Variants in SYNDIG1 observed in about 807,000 individuals in gnomAD.
SYNDIG1 encodes synapse differentiation-inducing gene protein 1.
A neutral mutation model predicts 19.4 loss-of-function variants in SYNDIG1; 9 were observed. That is an observed-to-expected ratio of 0.46 (90% CI 0.28 to 0.81). SYNDIG1 has a LOEUF of 0.81. Ranked by LOEUF, SYNDIG1 falls within the 30% of genes least tolerant of loss-of-function variation. SYNDIG1 has a pLI of 0.12. For synonymous variants in SYNDIG1, 141 were observed against 145.9 expected, an observed-to-expected ratio of 0.97 and a Z score of 0.24; for missense variants, 311 against 343.3, an observed-to-expected ratio of 0.91 and a Z score of 0.74.
chr20:24,656,177 G>A (rs573300743), intron 3 of SYNDIG1, among the ~76,000 whole-genome samples: 165 of 152,302 alleles, frequency 1.1e-3, no homozygotes, highest in African/African-American at 3.8e-3. Flanking sequence ...GCTGTGTACT[G>A]ATGCACAGAG....
intron 1 of SYNDIG1, among the ~76,000 whole-genome samples, chr20:24,518,472 A>G (rs1279192339): frequency 6.6e-6 from 1 of 152,182 alleles, no homozygotes; most frequent in African/African-American, 2.4e-5. Context: ...GAAACACGGT[A>G]TATGGGCATT....
At chr20:24,525,951 ATC>A (rs2057115121) in intron 1 of SYNDIG1, among the ~76,000 whole-genome samples, 1 of 152,034 alleles carries the variant, frequency 6.6e-6, no homozygotes, top group Non-Finnish European at 1.5e-5. Flanking sequence ...GGTTAATTGG[ATC>A]TCTCTCTGTG....
chr20:24,620,365 G>A lies in SYNDIG1; in HGVS notation c.618+35372G>A, dbSNP rs2059019705. ...AGGCTGGGGGGTGACCTGACAGCTA[G>A]GAGGAAACATCTGGAGGTGTCTTTA... On this transcript the variant is annotated intron_variant, in intron 3 of 3. Transcript: ENST00000376862. Among the ~76,000 whole-genome samples, 4 of 152,206 alleles carry A rather than the reference G, an allele frequency of 2.6e-5. No individual in the cohort carries two copies. The South Asian group carries it at 8.3e-4, about 32-fold the overall frequency.
chr20:24,608,954 G>A (rs796244835), intron 3 of SYNDIG1, among the ~76,000 whole-genome samples: 13 of 152,332 alleles, frequency 8.5e-5, no homozygotes, highest in African/African-American at 3.1e-4. Flanking sequence ...GTATGTTGGT[G>A]CAAGCCAAAC....
At chr20:24,594,801 T>G (rs1320619962) in intron 3 of SYNDIG1, among the ~76,000 whole-genome samples, 2 of 152,144 alleles carry the variant, frequency 1.3e-5, no homozygotes, top group Non-Finnish European at 2.9e-5. Flanking sequence ...TGAACGGAAT[T>G]GCTTTCTTGA....
At chr20:24,504,459 A>G (rs1045918749) in intron 1 of SYNDIG1, among the ~76,000 whole-genome samples, 2 of 152,162 alleles carry the variant, frequency 1.3e-5, no homozygotes, top group Middle Eastern at 3.2e-3. Flanking sequence ...CAGCGAAGGA[A>G]ACCCAAGCCC....
chr20:24,532,525 C>T (rs1406028878), intron 1 of SYNDIG1, among the ~76,000 whole-genome samples: 2 of 152,196 alleles, frequency 1.3e-5, no homozygotes, highest in Non-Finnish European at 2.9e-5. Flanking sequence ...ATGAGGGTTG[C>T]ACTGCACAAC....
Position 24,543,123 on chromosome 20 carries a change from G to A in SYNDIG1, c.26G>A (p.Ser9Asn), listed in dbSNP as rs768869208. Residue 9 changes from serine to asparagine, a missense_variant, in exon 2 of 4, where the codon AGC (serine) becomes AAC (asparagine). Ser to Asn is a conservative substitution (Grantham distance 46). Coordinates refer to ENST00000376862, the MANE Select transcript of SYNDIG1 (RefSeq NM_024893.3). MDGIIEQK[S>N]MLVHSKISDA... ...ATGGATGGCATCATTGAACAGAAGA[G>A]CATGCTGGTGCACAGTAAAATCAGT... 1 of 1,614,096 alleles carries A rather than the reference G, an allele frequency of 6.2e-7. No individual in the cohort carries two copies. Among genetic ancestry groups the A allele is most frequent in the Admixed American group, 1.7e-5 (1 of 60,016 alleles).
intron 3 of SYNDIG1, among the ~76,000 whole-genome samples, chr20:24,593,265 T>G (rs755838126): frequency 4.6e-5 from 7 of 152,218 alleles, no homozygotes; most frequent in Non-Finnish European, 1.0e-4. Context: ...TTTCAATGTT[T>G]AGGTTCCACT....
At chr20:24,628,990 A>G (rs1467761066) in intron 3 of SYNDIG1, among the ~76,000 whole-genome samples, 1 of 152,254 alleles carries the variant, frequency 6.6e-6, no homozygotes, top group East Asian at 1.9e-4. Context: ...TTGAGGGCAT[A>G]GTGATCCTCA....
At chr20:24,585,067 C>G in intron 3 of SYNDIG1, 74 bp downstream of exon 3, 1 of 1,538,080 alleles carries the variant, frequency 6.5e-7, no homozygotes, top group South Asian at 1.2e-5. Context: ...CAATCCCAGC[C>G]GAGGAGGAGA....
intron 3 of SYNDIG1, among the ~76,000 whole-genome samples, chr20:24,633,363 G>A (rs2059273779): frequency 6.6e-6 from 1 of 152,218 alleles, no homozygotes; most frequent in South Asian, 2.1e-4. Flanking sequence ...ACAGTGGAGT[G>A]CGTGATGCCC....
At chr20:24,643,202 A>T (rs965130112) in intron 3 of SYNDIG1, among the ~76,000 whole-genome samples, 6 of 151,950 alleles carry the variant, frequency 3.9e-5, no homozygotes, top group African/African-American at 1.5e-4. Context: ...GTAACCTCCT[A>T]CTCCAACAAT....
chr20:24,567,166 T>C (rs1228963405), intron 2 of SYNDIG1, among the ~76,000 whole-genome samples: 4 of 152,194 alleles, frequency 2.6e-5, no homozygotes, highest in African/African-American at 9.6e-5. Flanking sequence ...CAGGGTTTTA[T>C]TGAGTAAAAA....
chr20:24,665,056 T>C (rs1256509244), intron 3 of SYNDIG1, among the ~76,000 whole-genome samples: 3 of 152,220 alleles, frequency 2.0e-5, no homozygotes, highest in Non-Finnish European at 4.4e-5. Context: ...CCCACACTGA[T>C]GGAACTCAGT....
chr20:24,656,919 G>C (rs1029448615), intron 3 of SYNDIG1, among the ~76,000 whole-genome samples: 10 of 152,194 alleles, frequency 6.6e-5, no homozygotes, highest in Non-Finnish European at 1.5e-4. Flanking sequence ...CTCATGGCTT[G>C]GTGCTGTCCT....
At chr20:24,642,198 G>C (rs2059384666) in intron 3 of SYNDIG1, among the ~76,000 whole-genome samples, 1 of 152,202 alleles carries the variant, frequency 6.6e-6, no homozygotes, top group Admixed American at 6.5e-5. Flanking sequence ...TGATGGCCTT[G>C]ACAATTTTGC....
At chr20:24,534,514 G>C (rs1002521513) in intron 1 of SYNDIG1, among the ~76,000 whole-genome samples, 1 of 152,220 alleles carries the variant, frequency 6.6e-6, no homozygotes, top group African/African-American at 2.4e-5. Context: ...CCCCCAGCCG[G>C]AACAGTGCCC....
intron 3 of SYNDIG1, among the ~76,000 whole-genome samples, chr20:24,627,812 C>G (rs1367267781): frequency 6.6e-6 from 1 of 152,242 alleles, no homozygotes; most frequent in African/African-American, 2.4e-5. Context: ...AAGAATAAGC[C>G]CCCTCTTCAG....
Sources: allele counts gnomAD v4.1 joint callset (sites outside exome capture counted in the v4.1 genomes callset), GRCh38; gene constraint gnomAD v4.1.1; transcripts MANE v1.5; gene names NCBI Gene and HGNC (gene_info 2026-07-23, HGNC 2026-07-21).